Variants in MLLT3 observed in about 807,000 individuals in gnomAD.
MLLT3 encodes protein AF-9.
MLLT3 carries 4 observed loss-of-function variants against 53.2 expected under a neutral mutation model. That is an observed-to-expected ratio of 0.08 (90% CI 0.04 to 0.17). The LOEUF (loss-of-function observed/expected upper bound fraction) is 0.17, where lower values mean the gene tolerates loss of function less well. MLLT3 is among the 10% of genes least tolerant of loss of function. The probability of loss-of-function intolerance (pLI) is 1.00; values close to 1 mark genes in which losing one functional copy is unlikely to be tolerated. For missense variants in MLLT3, 569 were observed against 684.0 expected (o/e 0.83, Z 1.87); for synonymous variants, 283 against 230.6 (o/e 1.23, Z -2.06).
intron 2 of MLLT3, among the ~76,000 whole-genome samples, chr9:20,531,849 T>C (rs2118996700): frequency 6.6e-6 from 1 of 152,268 alleles, no homozygotes; most frequent in Admixed American, 6.5e-5. Context: ...ATATTATCTG[T>C]GTAAACTACT....
In MLLT3 at chr9:20,448,649, T is replaced by C. The variant is rs79905282; in HGVS notation, c.277-383A>G. On this transcript the variant is annotated intron_variant, in intron 3 of 10. Coordinates refer to ENST00000380338, the MANE Select transcript of MLLT3 (RefSeq NM_004529.4). This position sits in a 1 kb window ranked among gnomAD's most constrained non-coding sequence, Gnocchi z 4.0. Reference sequence around the variant, plus strand: ...ATAAATATTTCTTCAACAAGCCCTCTAACTCTTACTACTAGGCTTTTACTC... The same window carrying C: ...ATAAATATTTCTTCAACAAGCCCTCCAACTCTTACTACTAGGCTTTTACTC... 0.028 allele frequency among the ~76,000 whole-genome samples: 4,289 copies of C among 152,228 alleles called. 215 individuals are homozygous for C. Among genetic ancestry groups the C allele is most frequent in the African/African-American group, 0.097 (4,036 of 41,524 alleles).
At chr9:20,348,553 CT>C (rs1263946561) in intron 10 of MLLT3, among the ~76,000 whole-genome samples, 1 of 152,168 alleles carries the variant, frequency 6.6e-6, no homozygotes. Flanking sequence ...TTTTAAGCCA[CT>C]ATCTCGACCA....
intron 9 of MLLT3, among the ~76,000 whole-genome samples, chr9:20,354,169 T>C (rs1364434585): frequency 6.6e-6 from 1 of 152,180 alleles, no homozygotes; most frequent in Non-Finnish European, 1.5e-5. Flanking sequence ...AAGAATGTAT[T>C]ACGAAAAACA....
At chr9:20,522,476 T>C (rs992722058) in intron 2 of MLLT3, among the ~76,000 whole-genome samples, 1 of 152,116 alleles carries the variant, frequency 6.6e-6, no homozygotes, top group Non-Finnish European at 1.5e-5. Flanking sequence ...TTAGATATAA[T>C]CTCTTAGAAC....
At chr9:20,456,878 G>T in intron 2 of MLLT3, 92 bp from the exon 3 acceptor site, 1 of 920,630 alleles carries the variant, frequency 1.1e-6, no homozygotes, top group Non-Finnish European at 1.6e-6. Context: ...CTACCATCTA[G>T]ATCACACGCA....
chr9:20,479,033 C>A (rs964015407), intron 2 of MLLT3, among the ~76,000 whole-genome samples: 1 of 152,186 alleles, frequency 6.6e-6, no homozygotes, highest in African/African-American at 2.4e-5. Context: ...TTAAAGAGAT[C>A]TTGGTCTGCC....
chr9:20,392,559 T>C (rs1001812048), intron 5 of MLLT3, among the ~76,000 whole-genome samples: 2 of 152,238 alleles, frequency 1.3e-5, no homozygotes, highest in Admixed American at 6.5e-5. Flanking sequence ...AAGAAACTTA[T>C]ATTTATCTTT....
intron 2 of MLLT3, among the ~76,000 whole-genome samples, chr9:20,493,288 T>C (rs79710281): frequency 0.07 from 10,644 of 152,032 alleles, 536 homozygotes; most frequent in Non-Finnish European, 0.11. Flanking sequence ...TAGTAATTTA[T>C]CAAAAAATAA....
At chr9:20,556,628 A>T (rs1819064188) in intron 2 of MLLT3, among the ~76,000 whole-genome samples, 1 of 152,192 alleles carries the variant, frequency 6.6e-6, no homozygotes, top group South Asian at 2.1e-4. Flanking sequence ...GGTTGCAGTG[A>T]TCCGAGATCG....
At chr9:20,482,088 G>C (rs1824676685) in intron 2 of MLLT3, among the ~76,000 whole-genome samples, 1 of 152,184 alleles carries the variant, frequency 6.6e-6, no homozygotes. Flanking sequence ...CCTGTCAAAA[G>C]CTAGACTCTT....
intron 2 of MLLT3, among the ~76,000 whole-genome samples, chr9:20,483,687 T>G (rs796365839): frequency 2.1e-5 from 3 of 145,302 alleles, no homozygotes; most frequent in Admixed American, 7.0e-5. Flanking sequence ...GATAACACAG[T>G]CAGTAAAACT....
chr9:20,503,203 T>G (rs1018306821), intron 2 of MLLT3, among the ~76,000 whole-genome samples: 2 of 152,074 alleles, frequency 1.3e-5, no homozygotes, highest in African/African-American at 4.8e-5. Context: ...ATCCTAAAAT[T>G]TGTATGGAAC....
intron 2 of MLLT3, among the ~76,000 whole-genome samples, chr9:20,516,270 A>G (rs914117402): frequency 1.8e-4 from 27 of 152,176 alleles, no homozygotes; most frequent in African/African-American, 6.0e-4. Flanking sequence ...AGCACAAACG[A>G]TATTGTGACT....
chr9:20,422,577 C>T (rs1223727886), intron 4 of MLLT3, among the ~76,000 whole-genome samples: 1 of 152,128 alleles, frequency 6.6e-6, no homozygotes, highest in East Asian at 1.9e-4. Flanking sequence ...CAACACATAA[C>T]ATGAAAGAGC....
chr9:20,530,604 T>C (rs1338466181), intron 2 of MLLT3, among the ~76,000 whole-genome samples: 2 of 152,232 alleles, frequency 1.3e-5, no homozygotes, highest in African/African-American at 4.8e-5. Flanking sequence ...GGTAAATACA[T>C]GCATAAAAAC....
intron 2 of MLLT3, among the ~76,000 whole-genome samples, chr9:20,482,752 T>C (rs1193588078): frequency 1.3e-5 from 2 of 152,194 alleles, no homozygotes; most frequent in Non-Finnish European, 2.9e-5. Context: ...ATTTCTTTTT[T>C]AATCCAAGAA....
chr9:20,541,377 G>A lies in MLLT3; in HGVS notation c.193+79277C>T, dbSNP rs532058482. ...CAATTTTCTATGTTAGTCTGTTTTT[G>A]CACTGCAATGAAGAACTACCTGAGT... On this transcript the variant is annotated intron_variant, in intron 2 of 10. Transcript: ENST00000380338. Among the ~76,000 whole-genome samples, 141 of 152,190 alleles carry A rather than the reference G, an allele frequency of 9.3e-4. 1 individual carries two copies. Among genetic ancestry groups the A allele is most frequent in the African/African-American group, 3.3e-3 (135 of 41,502 alleles).
At chr9:20,417,641 T>C (rs1822903814) in intron 4 of MLLT3, among the ~76,000 whole-genome samples, 1 of 152,104 alleles carries the variant, frequency 6.6e-6, no homozygotes, top group Non-Finnish European at 1.5e-5. Context: ...CAAATGATTG[T>C]TTAAACATAA....
chr9:20,432,202 A>T (rs1823289279), intron 4 of MLLT3, among the ~76,000 whole-genome samples: 1 of 152,150 alleles, frequency 6.6e-6, no homozygotes, highest in South Asian at 2.1e-4. Context: ...TAATCTTCTT[A>T]AAGAGTCCTG....
Sources: gnomAD v4.1 joint callset for allele counts (sites outside exome capture counted in the v4.1 genomes callset) on GRCh38, gnomAD v4.1.1 for gene constraint, Gnocchi (gnomAD v3.1) non-coding constraint, MANE v1.5 for transcripts, NCBI Gene and HGNC (gene_info 2026-07-23, HGNC 2026-07-21) for gene names.